Variants in SLC29A3 observed in about 807,000 individuals in gnomAD.
SLC29A3 encodes the protein solute carrier family 29 member 3.
SLC29A3 carries 18 observed loss-of-function variants against 25.4 expected under a neutral mutation model. That is an observed-to-expected ratio of 0.71 (90% CI 0.49 to 1.05). The LOEUF (loss-of-function observed/expected upper bound fraction) is 1.05. Among genes scored for constraint, SLC29A3 ranks in the 50% least tolerant of loss-of-function variants. The probability of loss-of-function intolerance (pLI) is 0.00; values close to 1 mark genes in which losing one functional copy is unlikely to be tolerated. For synonymous variants in SLC29A3, 258 were observed against 267.1 expected, an observed-to-expected ratio of 0.97 and a Z score of 0.33; for missense variants, 586 against 609.0, an observed-to-expected ratio of 0.96 and a Z score of 0.40.
In SLC29A3 at chr10:71,341,212, G is replaced by A. The variant is rs375196827; in HGVS notation, c.301-2997G>A. Among the ~76,000 whole-genome samples the A allele has an allele frequency of 1.6e-4, 25 of 152,010 alleles. No homozygotes were observed. The East Asian group carries it at 3.3e-3, about 20-fold the overall frequency. ...GCAGGGCGTGGGGTCTCTCTGTGGGGGTCAGCTCCTCCTTTGGTGGCAGTG... is the reference window on the plus strand; with the variant it reads ...GCAGGGCGTGGGGTCTCTCTGTGGGAGTCAGCTCCTCCTTTGGTGGCAGTG... On this transcript the variant is annotated intron_variant, in intron 2 of 5. Transcript: ENST00000373189.
chr10:71,347,100 G>T (rs1421004191), intron 3 of SLC29A3, among the ~76,000 whole-genome samples: 3 of 152,218 alleles, frequency 2.0e-5, no homozygotes, highest in Non-Finnish European at 4.4e-5. Context: ...GCTGTGGGAA[G>T]ATGGTCTGGG....
chr10:71,335,576 C>T (rs973295939), intron 2 of SLC29A3, among the ~76,000 whole-genome samples: 19 of 152,034 alleles, frequency 1.2e-4, no homozygotes, highest in African/African-American at 3.9e-4. Flanking sequence ...TGGGTGGACA[C>T]GTGAGCCATA....
rs754801628 is a variant in SLC29A3 at position 71,362,914 on chromosome 10, G to A, written c.*306G>A. On this transcript the variant is annotated 3_prime_UTR_variant, in exon 6 of 6. Coordinates refer to ENST00000373189, the MANE Select transcript of SLC29A3 (RefSeq NM_018344.6). ...ACCTTCTTTCTAGCCCTTCAAAGAT[G>A]CTGCCAGTGTTCGCCCTAGAGTTAT... 2.4e-5 allele frequency: 14 copies of A among 573,172 alleles called. No individual in the cohort carries two copies. Among genetic ancestry groups the A allele is most frequent in the Middle Eastern group, 9.2e-4 (2 of 2,170 alleles). 35.5% of individuals were successfully genotyped at this position (573,172 alleles called of 1,614,324 possible).
chr10:71,344,429 C>T, intron 3 of SLC29A3, 138 bp downstream of exon 3: 1 of 717,088 alleles, frequency 1.4e-6, no homozygotes. Flanking sequence ...CAGATTTATG[C>T]ATGAAGAGTG....
At chr10:71,335,631 G>T (rs912582756) in intron 2 of SLC29A3, among the ~76,000 whole-genome samples, 16 of 152,194 alleles carry the variant, frequency 1.1e-4, no homozygotes, top group African/African-American at 3.9e-4. Flanking sequence ...ATTGACTGGG[G>T]TGAGGGTGAA....
At chr10:71,366,728 G>A (rs1173445910), downstream of SLC29A3, among the ~76,000 whole-genome samples, 4 of 152,156 alleles carry the variant, frequency 2.6e-5, no homozygotes. Flanking sequence ...CCAGTGTCAC[G>A]CTTTTATAGA....
At chr10:71,348,438 T>C (rs533000680) in intron 3 of SLC29A3, among the ~76,000 whole-genome samples, 1 of 152,356 alleles carries the variant, frequency 6.6e-6, no homozygotes, top group Admixed American at 6.5e-5. Context: ...GGTTGAATAT[T>C]TGTCAGGGGT....
chr10:71,335,296 G>T (rs1448136657), intron 2 of SLC29A3, among the ~76,000 whole-genome samples: 3 of 152,080 alleles, frequency 2.0e-5, no homozygotes, highest in African/African-American at 7.2e-5. Context: ...GACCACCCGC[G>T]AATCGGCCCT....
chr10:71,330,341 A>G (rs1213236813), intron 2 of SLC29A3, among the ~76,000 whole-genome samples: 1 of 152,180 alleles, frequency 6.6e-6, no homozygotes, highest in Non-Finnish European at 1.5e-5. Context: ...AGCAGAAGAG[A>G]GGCAGTCCTG....
At chr10:71,361,023 A>G (rs1476866405) in intron 5 of SLC29A3, among the ~76,000 whole-genome samples, 1 of 152,270 alleles carries the variant, frequency 6.6e-6, no homozygotes, top group Non-Finnish European at 1.5e-5. Context: ...ACACTGTTGC[A>G]GAAAGTTTTA....
At chr10:71,328,388 C>G (rs1420331721) in intron 2 of SLC29A3, among the ~76,000 whole-genome samples, 1 of 152,210 alleles carries the variant, frequency 6.6e-6, no homozygotes, top group Non-Finnish European at 1.5e-5. Context: ...CATACTTCCC[C>G]ATCACGTTCC....
Position 71,362,015 on chromosome 10 carries a change from G to C in SLC29A3, c.835G>C (p.Asp279His). 1 of 1,614,072 alleles carries C rather than the reference G, an allele frequency of 6.2e-7. No homozygotes were observed. ...VFSGEEELPQ[D>H]SLSAPSVASR... is the part of the protein sequence containing the mutation. ...TTCTGGTGAAGAGGAGCTTCCCCAG[G>C]ACTCCCTCAGTGCCCCTTCGGTGGC... The change falls in exon 6 of 6, where the codon GAC becomes CAC. Residue 279 changes from aspartate (D) to histidine (H), a missense_variant. By Grantham distance (81) the Asp-to-His change is moderately conservative. Transcript: ENST00000373189.
intron 4 of SLC29A3, among the ~76,000 whole-genome samples, chr10:71,355,736 A>G (rs1470777001): frequency 2.0e-5 from 3 of 152,204 alleles, no homozygotes; most frequent in African/African-American, 7.2e-5. Context: ...TTCAGCCCCC[A>G]CTAGAAGGGC....
chr10:71,343,241 C>A (rs1459847065), intron 2 of SLC29A3, among the ~76,000 whole-genome samples: 2 of 152,176 alleles, frequency 1.3e-5, no homozygotes, highest in East Asian at 3.9e-4. Flanking sequence ...GCTGGGATTA[C>A]AAGTATGAGT....
downstream of SLC29A3, among the ~76,000 whole-genome samples, chr10:71,367,690 G>T (rs1272499602): frequency 1.3e-5 from 2 of 152,202 alleles, no homozygotes; most frequent in East Asian, 3.9e-4. Context: ...GAGTGACAAA[G>T]GTAGCCATAC....
At chr10:71,321,232 G>T (rs550040183) in intron 1 of SLC29A3, among the ~76,000 whole-genome samples, 1 of 152,278 alleles carries the variant, frequency 6.6e-6, no homozygotes, top group South Asian at 2.1e-4. Context: ...AATGTTTTCT[G>T]CCCTGCCTAA....
At chr10:71,371,847 T>C (rs1052111804) in intron 3 of SLC29A3, among the ~76,000 whole-genome samples, 2 of 152,196 alleles carry the variant, frequency 1.3e-5, no homozygotes, top group African/African-American at 4.8e-5. Flanking sequence ...CCCTTGGAGG[T>C]TGGCAGGGCA....
downstream of SLC29A3, among the ~76,000 whole-genome samples, chr10:71,368,106 T>G (rs889661738): frequency 2.6e-5 from 4 of 152,116 alleles, no homozygotes; most frequent in Admixed American, 2.0e-4. Flanking sequence ...GGTACATGCC[T>G]ATAGTCCCAG....
intron 2 of SLC29A3, among the ~76,000 whole-genome samples, chr10:71,328,487 G>A (rs1405471321): frequency 6.6e-6 from 1 of 152,174 alleles, no homozygotes; most frequent in Non-Finnish European, 1.5e-5. Context: ...CAGCGCTGCA[G>A]CACCCGTAGG....
Sources: gnomAD v4.1 joint callset for allele counts (sites outside exome capture counted in the v4.1 genomes callset) on GRCh38, gnomAD v4.1.1 for gene constraint, MANE v1.5 for transcripts, NCBI Gene and HGNC (gene_info 2026-07-23, HGNC 2026-07-21) for gene names.